Variants in SLC25A48 observed in about 807,000 individuals in gnomAD.
The protein encoded by SLC25A48 is solute carrier family 25 member 48.
In SLC25A48, 29 loss-of-function variants were observed where a neutral mutation model predicts 32.2. The ratio of observed to expected loss-of-function variants is 0.90; its 90% CI spans 0.67 to 1.23. The LOEUF (loss-of-function observed/expected upper bound fraction) is 1.23, where lower values mean the gene tolerates loss of function less well. SLC25A48 is among the 50% of genes most tolerant of loss of function. The pLI is 0.00. For synonymous variants in SLC25A48, 164 were observed against 172.3 expected (o/e 0.95, Z 0.38); for missense variants, 399 against 422.7 (o/e 0.94, Z 0.49).
chr5:135,610,114 G>A (rs897675596), intron 1 of SLC25A48, among the ~76,000 whole-genome samples: 1 of 152,150 alleles, frequency 6.6e-6, no homozygotes, highest in African/African-American at 2.4e-5. Flanking sequence ...GCCAGGTCTG[G>A]AACTGAGCAG....
intron 4 of SLC25A48, among the ~76,000 whole-genome samples, chr5:135,865,129 C>G (rs188982456): frequency 6.6e-6 from 1 of 152,348 alleles, no homozygotes; most frequent in East Asian, 1.9e-4. Flanking sequence ...TTATTCTCTG[C>G]CTTTCACAGA....
intron 3 of SLC25A48, among the ~76,000 whole-genome samples, chr5:135,768,932 G>T (rs879783099): frequency 1.3e-5 from 2 of 151,712 alleles, no homozygotes; most frequent in Non-Finnish European, 2.9e-5. Flanking sequence ...AGGGGTTGTA[G>T]ATACCACTTT....
intron 4 of SLC25A48, among the ~76,000 whole-genome samples, chr5:135,870,436 C>T (rs1761545981): frequency 6.6e-6 from 1 of 152,140 alleles, no homozygotes; most frequent in Non-Finnish European, 1.5e-5. Context: ...AGATGGGTAG[C>T]AAATGAGAGA....
intron 3 of SLC25A48, among the ~76,000 whole-genome samples, chr5:135,650,738 C>T (rs960775096): frequency 1.3e-5 from 2 of 152,108 alleles, no homozygotes; most frequent in African/African-American, 2.4e-5. Context: ...GAACTGAGAA[C>T]ATCCAGTCCC....
chr5:135,607,887 C>T (rs1751975995), intron 1 of SLC25A48, among the ~76,000 whole-genome samples: 1 of 152,148 alleles, frequency 6.6e-6, no homozygotes, highest in Admixed American at 6.5e-5. Flanking sequence ...AGTTGTAGTT[C>T]CACTTCTGCC....
intron 3 of SLC25A48, among the ~76,000 whole-genome samples, chr5:135,715,524 T>C (rs1207871729): frequency 6.6e-6 from 1 of 152,118 alleles, no homozygotes; most frequent in Non-Finnish European, 1.5e-5. Context: ...TTACAGACAC[T>C]TGTAGCTGCT....
intron 4 of SLC25A48, among the ~76,000 whole-genome samples, chr5:135,871,165 G>T (rs1158971845): frequency 1.3e-5 from 2 of 151,316 alleles, no homozygotes. Context: ...TGTCATAATT[G>T]ATTCTAGACA....
chr5:135,862,182 C>A (rs1339033257), intron 4 of SLC25A48, among the ~76,000 whole-genome samples: 2 of 152,282 alleles, frequency 1.3e-5, no homozygotes, highest in Non-Finnish European at 2.9e-5. Flanking sequence ...TGTGACCCTG[C>A]AGACCAGTAG....
chr5:135,797,726 C>G (rs934024130), intron 3 of SLC25A48, among the ~76,000 whole-genome samples: 1 of 151,604 alleles, frequency 6.6e-6, no homozygotes, highest in Non-Finnish European at 1.5e-5. Context: ...TAAACCCCCC[C>G]CGTGATATTG....
intron 3 of SLC25A48, among the ~76,000 whole-genome samples, chr5:135,695,009 C>A (rs1754233534): frequency 6.6e-6 from 1 of 152,196 alleles, no homozygotes; most frequent in Non-Finnish European, 1.5e-5. Context: ...GCCCATCACC[C>A]ACCTCTCCTC....
chr5:135,620,787 A>G (rs1752308388), intron 1 of SLC25A48, among the ~76,000 whole-genome samples: 1 of 152,044 alleles, frequency 6.6e-6, no homozygotes, highest in Non-Finnish European at 1.5e-5. Flanking sequence ...CCCTCTCTAG[A>G]GCAATGCAGT....
chr5:135,725,572 C>G (rs1439951949), intron 3 of SLC25A48, among the ~76,000 whole-genome samples: 13 of 152,198 alleles, frequency 8.5e-5, no homozygotes, highest in Admixed American at 7.8e-4. Flanking sequence ...AATGGCCTCC[C>G]TCTCCTTCCT....
rs1328593160 is a variant in SLC25A48 at position 135,646,660 on chromosome 5, TA to T, written c.-521+11705del. 5.9e-4 allele frequency among the ~76,000 whole-genome samples: 11 copies of T among 18,632 alleles called. 1 individual carries two copies. Among genetic ancestry groups the T allele is most frequent in the South Asian group, 6.0e-3 (2 of 334 alleles). 12.2% of individuals were successfully genotyped at this position (18,632 alleles called of 152,430 possible). A position where few individuals can be genotyped will look rare whatever the true frequency, so the allele number is the denominator to read the frequency against. On this transcript the variant is annotated intron_variant, in intron 3 of 10. Transcript: ENST00000646290. ...ACGCATTTATAATATAATTTCCCAT[TA>T]TATATATATATATATATACAATGGG...
chr5:135,730,040 G>A (rs1438113698), intron 3 of SLC25A48, among the ~76,000 whole-genome samples: 3 of 152,164 alleles, frequency 2.0e-5, no homozygotes, highest in Admixed American at 1.3e-4. Flanking sequence ...CAGGTGTAAG[G>A]TATATAAAGA....
intron 2 of SLC25A48, among the ~76,000 whole-genome samples, chr5:135,631,881 T>C: frequency 6.6e-6 from 1 of 152,316 alleles, no homozygotes; most frequent in East Asian, 1.9e-4. Flanking sequence ...CTTCCTGTGG[T>C]ATATTTTTGC....
At position 135,871,514 on chromosome 5, in the gene SLC25A48, C is replaced by T. The variant is rs749060982; in HGVS notation, c.475C>T (p.Gln159Ter). 3.1e-6 allele frequency: 5 copies of T among 1,610,804 alleles called. No individual in the cohort carries two copies. The highest frequency in any genetic ancestry group is 4.2e-6 in the Non-Finnish European group (5 of 1,177,476). The change falls in exon 5 of 8, where the codon CAG becomes TAG. Residue 159 changes from glutamine to a stop codon, truncating the protein, a stop_gained. Coordinates refer to ENST00000681962, the MANE Select transcript of SLC25A48 (RefSeq NM_001349336.2). LOFTEE classifies it high-confidence loss of function. The part of the protein sequence containing the change: ...AVAPAEQPAY[Q>*]GPVHCITTIV... ...GGCTCCTGCGGAGCAGCCAGCATACCAGGGGCCAGTGCACTGCATTACAAC... is the reference window on the plus strand; with the variant it reads ...GGCTCCTGCGGAGCAGCCAGCATACTAGGGGCCAGTGCACTGCATTACAAC...
rs564970478 is a variant in SLC25A48, at chr5:135,616,015, G to A, written c.-848-13222G>A. On this transcript the variant is annotated intron_variant, in intron 1 of 10. Transcript: ENST00000646290. The stretch of plus-strand genomic sequence containing the variant: ...CATAAGCCTTGGAGGCTTCATCTTG[G>A]TGTTAAGCCTGTGGGTGCACAGTGC... Among the ~76,000 whole-genome samples, 9 of 152,348 alleles carry A rather than the reference G, an allele frequency of 5.9e-5. No individual in the cohort carries two copies. In the South Asian group the frequency reaches 1.9e-3, roughly 32 times the overall value.
At chr5:135,784,982 GTAGTT>G (rs1756798854) in intron 3 of SLC25A48, among the ~76,000 whole-genome samples, 1 of 58,766 alleles carries the variant, frequency 1.7e-5, no homozygotes, top group Non-Finnish European at 6.3e-5. Context: ...AAAAATAACA[GTAGTT>G]GTATACAAAT....
upstream of SLC25A48, among the ~76,000 whole-genome samples, chr5:135,833,529 T>C (rs1345675679): frequency 6.6e-6 from 1 of 152,238 alleles, no homozygotes; most frequent in Non-Finnish European, 1.5e-5. Context: ...TTGGGGTTGA[T>C]GCTGATGGCA....
Sources: allele counts gnomAD v4.1 joint callset (sites outside exome capture counted in the v4.1 genomes callset), GRCh38; gene constraint gnomAD v4.1.1; transcripts MANE v1.5; gene names NCBI Gene and HGNC (gene_info 2026-07-23, HGNC 2026-07-21).